Variants in OTUD7A observed in about 807,000 individuals in gnomAD.
OTUD7A encodes the protein OTU domain-containing protein 7A.
OTUD7A carries 12 observed loss-of-function variants against 65.7 expected under a neutral mutation model. The observed-to-expected ratio is 0.18, with a 90% CI of 0.12 to 0.30. The LOEUF is 0.30. Ranked by LOEUF, OTUD7A falls within the 10% of genes least tolerant of loss-of-function variation. The pLI is 1.00. For synonymous variants in OTUD7A, 641 were observed against 586.3 expected, an observed-to-expected ratio of 1.09 and a Z score of -1.35; for missense variants, 1,148 against 1,304.8, an observed-to-expected ratio of 0.88 and a Z score of 1.85.
At chr15:31,538,773 C>T (rs1185565585) in intron 5 of OTUD7A, among the ~76,000 whole-genome samples, 1 of 152,160 alleles carries the variant, frequency 6.6e-6, no homozygotes, top group Admixed American at 6.5e-5. Context: ...GCCATATTTG[C>T]ACCAGCAGGT....
chr15:31,557,862 GA>G (rs1316486312), intron 5 of OTUD7A: 1 of 152,200 alleles, frequency 6.6e-6, no homozygotes, highest in Non-Finnish European at 1.5e-5. Context: ...CGAGCACCGA[GA>G]AAAGCTCTAC....
intron 5 of OTUD7A, among the ~76,000 whole-genome samples, chr15:31,543,370 T>C (rs1888040008): frequency 6.6e-6 from 1 of 151,826 alleles, no homozygotes; most frequent in Admixed American, 6.6e-5. Flanking sequence ...AGAAGATGTG[T>C]AAGGAGAGAA....
intron 3 of OTUD7A, among the ~76,000 whole-genome samples, chr15:31,641,071 T>C (rs959506193): frequency 2.0e-5 from 3 of 152,170 alleles, no homozygotes; most frequent in Admixed American, 2.0e-4. Context: ...TCCCCACGTG[T>C]CAAGGGCATG....
chr15:31,834,805 C>T (rs1421615804), intron 1 of OTUD7A, among the ~76,000 whole-genome samples: 1 of 152,216 alleles, frequency 6.6e-6, no homozygotes, highest in African/African-American at 2.4e-5. Context: ...ATGAACACTA[C>T]TAATTCAGGC....
intron 1 of OTUD7A, among the ~76,000 whole-genome samples, chr15:31,673,547 G>A (rs184359870): frequency 3.2e-4 from 49 of 152,268 alleles, no homozygotes; most frequent in African/African-American, 1.1e-3. Flanking sequence ...TTGCAAGGCC[G>A]CTTTGCTTTG....
rs11630280 is a variant in OTUD7A, at chr15:31,674,404, A to G, written c.-99-17327T>C. Among the ~76,000 whole-genome samples, 313 of 152,320 alleles carry G rather than the reference A, an allele frequency of 2.1e-3. 2 individuals are homozygous for G. Among genetic ancestry groups the G allele is most frequent in the Non-Finnish European group, 3.5e-3 (237 of 68,036 alleles). On this transcript the variant is annotated intron_variant, in intron 1 of 12. Transcript: ENST00000307050. ...TGACAGGAATGACATGCTTTAGGAA[A>G]ATAAATGAAGATACAAAAAATTGGC...
At position 31,788,580 on chromosome 15, in the gene OTUD7A, G is replaced by A. The variant is rs551693301; in HGVS notation, c.-100+81927C>T. The stretch of plus-strand genomic sequence containing the variant: ...ATTCCCATGAAAGAATGCCCTAACC[G>A]TCAAGTAGCCCATCTTGGCCAATCA... On this transcript the variant is annotated intron_variant, in intron 1 of 12. Coordinates refer to ENST00000307050, the MANE Select transcript of OTUD7A (RefSeq NM_001382637.1). Among the ~76,000 whole-genome samples the A allele has an allele frequency of 3.9e-5, 6 of 152,254 alleles. No homozygotes were observed. In the South Asian group the frequency reaches 6.2e-4, roughly 16 times the overall value.
rs2654123 is a variant in OTUD7A, at chr15:31,682,082, G to A, written c.-99-25005C>T. Among the ~76,000 whole-genome samples the A allele has an allele frequency of 8.1e-4, 124 of 152,266 alleles. 1 individual carries two copies. Among genetic ancestry groups the A allele is most frequent in the African/African-American group, 2.8e-3 (115 of 41,540 alleles). ...CACAGAGGACTGGGGATTTTGCAAA[G>A]TGGAGGGCTGAGCTCCATGTAATTG... is the stretch of plus-strand genomic sequence containing the variant. On this transcript the variant is annotated intron_variant, in intron 1 of 12. Transcript: ENST00000307050.
chr15:31,783,927 A>G (rs1457868494), intron 1 of OTUD7A, among the ~76,000 whole-genome samples: 1 of 152,198 alleles, frequency 6.6e-6, no homozygotes, highest in African/African-American at 2.4e-5. Flanking sequence ...GAGCTTCCCC[A>G]TGAAACTTCT....
intron 3 of OTUD7A, among the ~76,000 whole-genome samples, chr15:31,651,696 T>C (rs1249327920): frequency 2.6e-5 from 4 of 151,814 alleles, no homozygotes; most frequent in Non-Finnish European, 2.9e-5. Context: ...TCAGTTATAT[T>C]TCTGTATATT....
intron 3 of OTUD7A, among the ~76,000 whole-genome samples, chr15:31,630,047 T>C (rs1186086228): frequency 6.7e-6 from 1 of 150,258 alleles, no homozygotes; most frequent in East Asian, 1.9e-4. Flanking sequence ...AACCAGCTCC[T>C]GGATTCATTA....
At position 31,526,474 on chromosome 15, in the gene OTUD7A, A is replaced by G; in HGVS notation, c.781-13T>C. 1 of 1,558,374 alleles carries G rather than the reference A, an allele frequency of 6.4e-7. No individual in the cohort carries two copies. The stretch of plus-strand genomic sequence containing the variant: ...ACACCAGCCCTGACTGGCAGAGGGG[A>G]GCCGGCTCAGAAGGGGGGTGGGCCA... On this transcript the variant is annotated splice_polypyrimidine_tract_variant and intron_variant, in intron 7 of 12. Coordinates refer to ENST00000307050, the MANE Select transcript of OTUD7A (RefSeq NM_001382637.1).
chr15:31,570,486 CAT>C (rs1327965385), intron 3 of OTUD7A, among the ~76,000 whole-genome samples: 2 of 146,978 alleles, frequency 1.4e-5, no homozygotes, highest in African/African-American at 5.3e-5. Context: ...CACACACACA[CAT>C]CTAAACACTG....
rs757404867 is a variant in OTUD7A at position 31,483,169 on chromosome 15, G to T, written c.*125C>A. The T allele has an allele frequency of 6.6e-4, 606 of 912,942 alleles. No individual in the cohort carries two copies. Among genetic ancestry groups the T allele is most frequent in the Non-Finnish European group, 7.6e-4 (574 of 754,934 alleles). 56.6% of individuals were successfully genotyped at this position (912,942 alleles called of 1,614,324 possible). On this transcript the variant is annotated 3_prime_UTR_variant, in exon 13 of 13. Transcript: ENST00000307050. ...CCATTAGGAACGTTTGACCAAACAC[G>T]TACACGGCACTGACAGAGGAGGCGC...
intron 1 of OTUD7A, among the ~76,000 whole-genome samples, chr15:31,841,714 G>C (rs1426356526): frequency 6.6e-6 from 1 of 152,092 alleles, no homozygotes; most frequent in Non-Finnish European, 1.5e-5. Context: ...CTGTATTCCT[G>C]CTTGACCCAA....
chr15:31,711,867 C>T (rs79270543), intron 1 of OTUD7A, among the ~76,000 whole-genome samples: 11,308 of 151,836 alleles, frequency 0.074, 995 homozygotes, highest in African/African-American at 0.22. Flanking sequence ...GGCTGGAAGG[C>T]CATGGCCACT....
intron 1 of OTUD7A, among the ~76,000 whole-genome samples, chr15:31,782,447 A>C (rs1338211634): frequency 6.6e-6 from 1 of 152,218 alleles, no homozygotes. Flanking sequence ...TCAGAAAGCC[A>C]AGGACAAGCC....
chr15:31,858,995 T>C (rs1897649987), intron 1 of OTUD7A, among the ~76,000 whole-genome samples: 1 of 152,224 alleles, frequency 6.6e-6, no homozygotes, highest in Non-Finnish European at 1.5e-5. Flanking sequence ...ACTTCCCTCC[T>C]GACAACAGAG....
chr15:31,514,080 G>T (rs1450635745), intron 8 of OTUD7A, among the ~76,000 whole-genome samples: 4 of 140,338 alleles, frequency 2.9e-5, no homozygotes, highest in Non-Finnish European at 6.0e-5. Context: ...TTGAGACAGG[G>T]TCTTACTGTG....
Sources: allele counts gnomAD v4.1 joint callset (sites outside exome capture counted in the v4.1 genomes callset), GRCh38; gene constraint gnomAD v4.1.1; transcripts MANE v1.5; gene names NCBI Gene and HGNC (gene_info 2026-07-23, HGNC 2026-07-21).